The following STX2 variants were observed in gnomAD, a reference collection of about 807,000 sequenced individuals.
The protein encoded by STX2 is syntaxin 2.
A neutral mutation model predicts 40.6 loss-of-function variants in STX2; 27 were observed. That is an observed-to-expected ratio of 0.66 (90% confidence interval 0.49 to 0.92). The LOEUF (loss-of-function observed/expected upper bound fraction) is 0.92, where lower values mean the gene tolerates loss of function less well. STX2 is among the 40% of genes least tolerant of loss of function. The probability of loss-of-function intolerance (pLI) is 0.00; values close to 1 mark genes in which losing one functional copy is unlikely to be tolerated. For synonymous variants in STX2, 123 were observed against 119.1 expected (o/e 1.03, Z -0.22); for missense variants, 328 against 366.1 (o/e 0.90, Z 0.85).
intron 8 of STX2, 23 bp downstream of exon 8, chr12:130,801,130 A>G: frequency 6.3e-7 from 1 of 1,593,466 alleles, no homozygotes; most frequent in Non-Finnish European, 8.6e-7. Context: ...TCTCTCTTGG[A>G]GAATGCAAGA....
At chr12:130,808,526 G>A (rs1490849506) in intron 5 of STX2, 105 bp downstream of exon 5, 2 of 990,326 alleles carry the variant, frequency 2.0e-6, no homozygotes, top group Non-Finnish European at 3.1e-6. Context: ...AATACTATGA[G>A]GATAAGCATG....
At position 130,801,263 on chromosome 12, in the gene STX2, G is replaced by A. The variant is rs1461423776; in HGVS notation, c.565C>T (p.Gln189Ter). ...DIISDSQITR[Q>*]ALNEIESRHK... ...CGTGACTCGATTTCATTGAGAGCTT[G>A]TCTAGTAATTTGTGAATCTGATATA... is the stretch of plus-strand genomic sequence containing the variant. The change falls in exon 8 of 11, where the codon CAA (glutamine) becomes TAA (stop). Residue 189 changes from glutamine (Q) to a stop codon, truncating the protein, a stop_gained. Coordinates refer to ENST00000392373, the MANE Select transcript of STX2 (RefSeq NM_194356.4). LOFTEE classifies it high-confidence loss of function. 6.2e-7 allele frequency: 1 copy of A among 1,613,186 alleles called. No individual in the cohort carries two copies. The highest frequency in any genetic ancestry group is 2.2e-5 in the East Asian group (1 of 44,850).
In STX2 at chr12:130,839,110, C is replaced by T. The variant is rs1199977153; in HGVS notation, c.-11G>A. On this transcript the variant is annotated 5_prime_UTR_variant, in exon 1 of 11. Coordinates refer to ENST00000392373, the MANE Select transcript of STX2 (RefSeq NM_194356.4). The stretch of plus-strand genomic sequence containing the variant: ...CAGCCGGTCCCGCATCCCCGCCGGC[C>T]GGGCAGCGCGCCCCGCCGCTCAAGC... 3 of 1,268,786 alleles carry T rather than the reference C, an allele frequency of 2.4e-6. No homozygotes were observed. The highest frequency in any genetic ancestry group is 7.4e-5 in the Admixed American group (2 of 26,894). The allele number at this position is 1,268,786 out of a possible 1,614,324, so 78.6% of individuals were successfully genotyped here.
chr12:130,837,209 C>G (rs1952780021), intron 1 of STX2, among the ~76,000 whole-genome samples: 1 of 151,672 alleles, frequency 6.6e-6, no homozygotes, highest in Non-Finnish European at 1.5e-5. Flanking sequence ...ATCTCCTGGG[C>G]TCAAGGAATC....
intron 1 of STX2, among the ~76,000 whole-genome samples, chr12:130,835,949 A>T (rs1045968182): frequency 2.0e-5 from 3 of 148,208 alleles, no homozygotes; most frequent in Non-Finnish European, 4.4e-5. Context: ...CTTCACAGGA[A>T]CAAGCATCAG....
At chr12:130,800,299 ATTT>A (rs749716699) in intron 8 of STX2, among the ~76,000 whole-genome samples, 11 of 143,534 alleles carry the variant, frequency 7.7e-5, no homozygotes, top group Middle Eastern at 3.3e-3. Flanking sequence ...ATATGTGTGT[ATTT>A]TTTTTTTTTT....
chr12:130,835,093 A>T (rs1952712313), intron 1 of STX2, among the ~76,000 whole-genome samples: 1 of 152,266 alleles, frequency 6.6e-6, no homozygotes, highest in Non-Finnish European at 1.5e-5. Flanking sequence ...GTTGAAGACC[A>T]GCCTGGGCAA....
chr12:130,805,590 G>A lies in STX2; in HGVS notation c.463+1392C>T, dbSNP rs560715560. ...AACACGCTGCCAGGCAGACGAGGGT[G>A]CCATGAGGTTCACGGCCATCAGAGC... On this transcript the variant is annotated intron_variant, in intron 6 of 10. Coordinates refer to ENST00000392373, the MANE Select transcript of STX2 (RefSeq NM_194356.4). Among the ~76,000 whole-genome samples the A allele has an allele frequency of 3.0e-4, 45 of 152,316 alleles. No homozygotes were observed. In the East Asian group the frequency reaches 7.9e-3, roughly 27 times the overall value.
chr12:130,825,721 T>C (rs1453321023), intron 2 of STX2, among the ~76,000 whole-genome samples: 1 of 152,212 alleles, frequency 6.6e-6, no homozygotes, highest in African/African-American at 2.4e-5. Flanking sequence ...ACTTTCCATA[T>C]GCTTTTATAA....
At chr12:130,818,188 AT>A (rs1951955090) in intron 3 of STX2, among the ~76,000 whole-genome samples, 59 of 66,214 alleles carry the variant, frequency 8.9e-4, no homozygotes, top group Non-Finnish European at 1.2e-3. Flanking sequence ...AAAAAAAAAT[AT>A]ATATATATAT....
At chr12:130,818,933 C>T (rs1195348543) in intron 3 of STX2, among the ~76,000 whole-genome samples, 3 of 152,312 alleles carry the variant, frequency 2.0e-5, no homozygotes, top group Middle Eastern at 3.4e-3. Context: ...GGGCTGGATC[C>T]GCGTCTTGGA....
At chr12:130,796,163 T>C in intron 9 of STX2, 43 bp from the exon 10 acceptor site, 1 of 1,611,304 alleles carries the variant, frequency 6.2e-7, no homozygotes, top group Non-Finnish European at 8.5e-7. Flanking sequence ...CATGGTTAAT[T>C]TCATATTGCC....
At chr12:130,835,876 G>T (rs941610311) in intron 1 of STX2, among the ~76,000 whole-genome samples, 1 of 151,384 alleles carries the variant, frequency 6.6e-6, no homozygotes, top group African/African-American at 2.5e-5. Flanking sequence ...ACATCTGTCA[G>T]TACAGATTGT....
intron 10 of STX2, among the ~76,000 whole-genome samples, chr12:130,792,371 T>C (rs187335956): frequency 7.4e-4 from 112 of 152,380 alleles, no homozygotes; most frequent in African/African-American, 2.5e-3. Context: ...CACTTTCTTT[T>C]AATCATAATA....
At chr12:130,803,062 G>C (rs1270111115) in intron 6 of STX2, among the ~76,000 whole-genome samples, 1 of 152,174 alleles carries the variant, frequency 6.6e-6, no homozygotes, top group Non-Finnish European at 1.5e-5. Flanking sequence ...TTAATTGTAT[G>C]CTCCAAATAT....
At chr12:130,806,278 C>T (rs1468668288) in intron 6 of STX2, among the ~76,000 whole-genome samples, 3 of 152,244 alleles carry the variant, frequency 2.0e-5, no homozygotes, top group East Asian at 3.9e-4. Context: ...GCCAGGGCTC[C>T]GTGGGGGCCG....
At chr12:130,803,486 T>C (rs953728366) in intron 6 of STX2, among the ~76,000 whole-genome samples, 6 of 151,920 alleles carry the variant, frequency 3.9e-5, no homozygotes, top group Admixed American at 6.6e-5. Context: ...TTGGGCAACA[T>C]AGTGAAAACC....
At chr12:130,822,479 C>T (rs1322471217) in intron 2 of STX2, among the ~76,000 whole-genome samples, 4 of 152,096 alleles carry the variant, frequency 2.6e-5, no homozygotes, top group Non-Finnish European at 5.9e-5. Flanking sequence ...ATAGCTCATA[C>T]AGCCAAGGCT....
At chr12:130,817,474 C>T (rs531477116) in intron 3 of STX2, among the ~76,000 whole-genome samples, 44 of 151,986 alleles carry the variant, frequency 2.9e-4, no homozygotes, top group Non-Finnish European at 5.1e-4. Flanking sequence ...TACACTGAAA[C>T]GCTCTAAAGA....
Sources: allele counts gnomAD v4.1 joint callset (sites outside exome capture counted in the v4.1 genomes callset), GRCh38; gene constraint gnomAD v4.1.1; transcripts MANE v1.5; gene names NCBI Gene and HGNC (gene_info 2026-07-23, HGNC 2026-07-21).